Variants in UBE2E2 observed in about 807,000 individuals in gnomAD.
The protein encoded by UBE2E2 is ubiquitin conjugating enzyme E2 E2.
UBE2E2 carries 6 observed loss-of-function variants against 24.7 expected under a neutral mutation model. The observed-to-expected ratio is 0.24, with a 90% CI of 0.13 to 0.48. UBE2E2 has a LOEUF of 0.48. UBE2E2 is among the 20% of genes least tolerant of loss of function. UBE2E2 has a pLI of 0.99. For missense variants in UBE2E2, 169 were observed against 245.0 expected (o/e 0.69, Z 2.07); for synonymous variants, 104 against 83.6 (o/e 1.24, Z -1.33).
intron 3 of UBE2E2, among the ~76,000 whole-genome samples, chr3:23,244,619 G>A (rs1697340496): frequency 6.6e-6 from 1 of 152,132 alleles, no homozygotes; most frequent in African/African-American, 2.4e-5. Context: ...TGTGAGGCTG[G>A]CCAATTGTAA....
At chr3:23,299,052 C>A (rs1698997707) in intron 3 of UBE2E2, among the ~76,000 whole-genome samples, 1 of 152,158 alleles carries the variant, frequency 6.6e-6, no homozygotes, top group Non-Finnish European at 1.5e-5. Flanking sequence ...TCCATTTCTT[C>A]CAGATTTTCT....
chr3:23,528,719 A>G (rs1372252973), intron 4 of UBE2E2, among the ~76,000 whole-genome samples: 2 of 152,120 alleles, frequency 1.3e-5, no homozygotes, highest in African/African-American at 4.8e-5. Context: ...TCTTCCCTTT[A>G]GCATGCATCT....
rs1464908126 is a variant in UBE2E2 at position 23,256,130 on chromosome 3, A to G, written c.227+38818A>G. On this transcript the variant is annotated intron_variant, in intron 3 of 5. Transcript: ENST00000396703. ...TTTTCCTGCTCTTTAGAATAAAGCT[A>G]GCATATGAGTTGCAACCACCTAATT... Among the ~76,000 whole-genome samples, 7 of 152,246 alleles carry G rather than the reference A, an allele frequency of 4.6e-5. No homozygotes were observed. The East Asian group carries it at 1.3e-3, about 29-fold the overall frequency.
intron 3 of UBE2E2, among the ~76,000 whole-genome samples, chr3:23,423,859 G>A (rs777391726): frequency 5.3e-5 from 8 of 152,254 alleles, no homozygotes; most frequent in South Asian, 4.2e-4. Flanking sequence ...AGAAGAATGA[G>A]GGCCCTCCCT....
At chr3:23,575,998 C>T (rs1245761704) in intron 5 of UBE2E2, among the ~76,000 whole-genome samples, 1 of 152,154 alleles carries the variant, frequency 6.6e-6, no homozygotes, top group Non-Finnish European at 1.5e-5. Flanking sequence ...AATGTCTGTG[C>T]GATTTCTATT....
intron 3 of UBE2E2, among the ~76,000 whole-genome samples, chr3:23,443,500 G>A (rs990507465): frequency 1.3e-5 from 2 of 152,192 alleles, no homozygotes; most frequent in African/African-American, 4.8e-5. Flanking sequence ...AAGAAAGGAG[G>A]AAGAATTTTT....
At chr3:23,472,945 G>T (rs960530053) in intron 3 of UBE2E2, among the ~76,000 whole-genome samples, 3 of 152,012 alleles carry the variant, frequency 2.0e-5, no homozygotes, top group Non-Finnish European at 4.4e-5. Flanking sequence ...GAGCCACTGT[G>T]TCTGGCCCTG....
At chr3:23,507,381 G>T (rs114971904) in intron 4 of UBE2E2, among the ~76,000 whole-genome samples, 1 of 152,086 alleles carries the variant, frequency 6.6e-6, no homozygotes, top group Non-Finnish European at 1.5e-5. Context: ...TCCCCAATTA[G>T]CATGTAAGCT....
At chr3:23,269,662 T>C (rs1421214898) in intron 3 of UBE2E2, among the ~76,000 whole-genome samples, 1 of 152,160 alleles carries the variant, frequency 6.6e-6, no homozygotes, top group African/African-American at 2.4e-5. Context: ...GAGCAGCTTT[T>C]AGTAGATAGT....
At chr3:23,358,048 C>T (rs1429564001) in intron 3 of UBE2E2, among the ~76,000 whole-genome samples, 1 of 152,098 alleles carries the variant, frequency 6.6e-6, no homozygotes, top group African/African-American at 2.4e-5. Context: ...TTTGCCTGGG[C>T]TGGTCTCGAG....
At chr3:23,298,588 G>A (rs961090720) in intron 3 of UBE2E2, among the ~76,000 whole-genome samples, 11 of 151,632 alleles carry the variant, frequency 7.3e-5, no homozygotes, top group Admixed American at 3.3e-4. Context: ...GCTGGATTAC[G>A]TTTATTGATT....
At chr3:23,448,939 T>G (rs146904561) in intron 3 of UBE2E2, among the ~76,000 whole-genome samples, 123 of 152,354 alleles carry the variant, frequency 8.1e-4, no homozygotes, top group Non-Finnish European at 1.5e-3. Context: ...TCTCCTTTCT[T>G]GGAGTTCACC....
At chr3:23,317,091 G>A (rs544539095) in intron 3 of UBE2E2, among the ~76,000 whole-genome samples, 10 of 152,256 alleles carry the variant, frequency 6.6e-5, no homozygotes, top group Non-Finnish European at 8.8e-5. Context: ...TGGTGCATAC[G>A]CTCCTTTAGC....
chr3:23,214,901 T>C (rs1359206754), intron 2 of UBE2E2, among the ~76,000 whole-genome samples: 1 of 152,070 alleles, frequency 6.6e-6, no homozygotes, highest in East Asian at 1.9e-4. Context: ...CTTCTGTTGG[T>C]TTTCTGTACA....
intron 3 of UBE2E2, among the ~76,000 whole-genome samples, chr3:23,492,358 C>G (rs1699517574): frequency 6.6e-6 from 1 of 152,286 alleles, no homozygotes; most frequent in African/African-American, 2.4e-5. Context: ...ATCCCCTCAT[C>G]TTCTTCTCAC....
rs187777457 is a variant in UBE2E2 at position 23,395,343 on chromosome 3, G to T, written c.228-104265G>T. On this transcript the variant is annotated intron_variant, in intron 3 of 5. Coordinates refer to ENST00000396703, the MANE Select transcript of UBE2E2 (RefSeq NM_152653.4). ...AAAATCCCCTGCTTTGCAGTGAAGG[G>T]TAAGATGAGAGAAACAGGCAATTGG... Among the ~76,000 whole-genome samples the T allele has an allele frequency of 3.3e-5, 5 of 152,296 alleles. No individual in the cohort carries two copies. In the East Asian group the frequency reaches 9.6e-4, roughly 29 times the overall value.
intron 3 of UBE2E2, among the ~76,000 whole-genome samples, chr3:23,392,145 G>GT (rs1696952559): frequency 2.0e-5 from 3 of 152,130 alleles, no homozygotes; most frequent in African/African-American, 7.2e-5. Context: ...AGTGGAGTCT[G>GT]TTATGCATTA....
At chr3:23,448,105 G>A (rs1698474791) in intron 3 of UBE2E2, among the ~76,000 whole-genome samples, 1 of 152,084 alleles carries the variant, frequency 6.6e-6, no homozygotes, top group Non-Finnish European at 1.5e-5. Flanking sequence ...TAAGCCAGTT[G>A]TGAAGAAGTT....
chr3:23,467,960 G>A (rs1365038852), intron 3 of UBE2E2, among the ~76,000 whole-genome samples: 1 of 152,110 alleles, frequency 6.6e-6, no homozygotes, highest in Non-Finnish European at 1.5e-5. Context: ...TCTATCACAA[G>A]GACAGGAAGG....
Sources: gnomAD v4.1 joint callset for allele counts (sites outside exome capture counted in the v4.1 genomes callset) on GRCh38, gnomAD v4.1.1 for gene constraint, MANE v1.5 for transcripts, NCBI Gene and HGNC (gene_info 2026-07-23, HGNC 2026-07-21) for gene names.